SNTG1: variants seen among roughly 807,000 people sequenced by gnomAD.
SNTG1 encodes the protein syntrophin gamma 1.
SNTG1 carries 39 observed loss-of-function variants against 74.7 expected under a neutral mutation model. That is an observed-to-expected ratio of 0.52 (90% CI 0.40 to 0.68). The LOEUF (loss-of-function observed/expected upper bound fraction) is 0.68, where lower values mean the gene tolerates loss of function less well. Ranked by LOEUF, SNTG1 falls within the 30% of genes least tolerant of loss-of-function variation. The pLI is 0.00. For synonymous variants in SNTG1, 254 were observed against 217.1 expected, an observed-to-expected ratio of 1.17 and a Z score of -1.49; for missense variants, 685 against 609.5, an observed-to-expected ratio of 1.12 and a Z score of -1.30.
chr8:50,013,300 C>T (rs1815990510), intron 1 of SNTG1, among the ~76,000 whole-genome samples: 1 of 151,938 alleles, frequency 6.6e-6, no homozygotes, highest in African/African-American at 2.4e-5. Flanking sequence ...AAAATAGCAA[C>T]TGGCAAAATA....
chr8:50,268,329 G>C (rs987216769), intron 2 of SNTG1, among the ~76,000 whole-genome samples: 1 of 152,076 alleles, frequency 6.6e-6, no homozygotes, highest in Non-Finnish European at 1.5e-5. Context: ...CACAGTAAAG[G>C]TGCCAATTCA....
chr8:50,461,329 CT>C (rs1443179434), intron 8 of SNTG1, among the ~76,000 whole-genome samples: 1 of 151,962 alleles, frequency 6.6e-6, no homozygotes, highest in African/African-American at 2.4e-5. Flanking sequence ...CCTTGATTAC[CT>C]GTCTGAGATA....
At chr8:49,988,264 G>A (rs1049035742) in intron 1 of SNTG1, among the ~76,000 whole-genome samples, 2 of 152,040 alleles carry the variant, frequency 1.3e-5, no homozygotes, top group African/African-American at 4.8e-5. Flanking sequence ...AAAAAATTAG[G>A]ACACAAAAAC....
intron 1 of SNTG1, among the ~76,000 whole-genome samples, chr8:50,024,371 C>A (rs542546744): frequency 6.6e-6 from 1 of 152,108 alleles, no homozygotes; most frequent in South Asian, 2.1e-4. Context: ...CAGAGCAAGA[C>A]GGCATTAGTC....
chr8:50,513,851 C>T (rs907839052), intron 9 of SNTG1, among the ~76,000 whole-genome samples: 1 of 152,324 alleles, frequency 6.6e-6, no homozygotes, highest in East Asian at 1.9e-4. Context: ...TTCCCTGACC[C>T]CTTGCACTTC....
chr8:49,938,587 C>CT (rs756104336), intron 1 of SNTG1, among the ~76,000 whole-genome samples: 5 of 42,054 alleles, frequency 1.2e-4, no homozygotes, highest in African/African-American at 4.1e-4. Flanking sequence ...CTTTTCTTTT[C>CT]TTTTCTTTTC....
At chr8:50,334,687 G>A (rs2091082898) in intron 2 of SNTG1, among the ~76,000 whole-genome samples, 1 of 152,174 alleles carries the variant, frequency 6.6e-6, no homozygotes, top group South Asian at 2.1e-4. Context: ...TGCTATCTGG[G>A]CAAATTACTC....
chr8:50,727,333 AT>A (rs2095502561), intron 17 of SNTG1, among the ~76,000 whole-genome samples: 1 of 152,178 alleles, frequency 6.6e-6, no homozygotes, highest in Admixed American at 6.5e-5. Context: ...AAATATATCA[AT>A]TTTAATCTCT....
rs1369889163 is a variant in SNTG1, at chr8:50,381,050, A to G, written c.-27-13162A>G. The G allele has an allele frequency of 5.3e-5, 8 of 152,178 alleles. No individual in the cohort carries two copies. In the East Asian group the frequency reaches 1.5e-3, roughly 29 times the overall value. 9.4% of individuals were successfully genotyped at this position (152,178 alleles called of 1,614,324 possible). A position where few individuals can be genotyped will look rare whatever the true frequency, so the allele number is the denominator to read the frequency against. On this transcript the variant is annotated intron_variant, in intron 2 of 18. Coordinates refer to ENST00000642720, the MANE Select transcript of SNTG1 (RefSeq NM_018967.5). ...TTTGTGGCTTATCACTGAGCTGTCC[A>G]TGGAGATTCTACATGGATCAAAGAT...
chr8:50,562,702 TTAATG>T (rs1191639446), intron 12 of SNTG1, among the ~76,000 whole-genome samples: 1 of 152,344 alleles, frequency 6.6e-6, no homozygotes, highest in East Asian at 1.9e-4. Flanking sequence ...ATGTTTTCAC[TTAATG>T]TAAAGTTCAC....
At chr8:50,012,439 T>C (rs551717652) in intron 1 of SNTG1, among the ~76,000 whole-genome samples, 1 of 152,350 alleles carries the variant, frequency 6.6e-6, no homozygotes, top group South Asian at 2.1e-4. Context: ...GTCTTCATAA[T>C]ACTAATCACT....
At chr8:50,110,448 G>A (rs2080540910) in intron 1 of SNTG1, among the ~76,000 whole-genome samples, 1 of 152,134 alleles carries the variant, frequency 6.6e-6, no homozygotes, top group Admixed American at 6.6e-5. Context: ...TCCTTGGTGA[G>A]CAACACTTGT....
At chr8:50,486,774 A>G (rs1156972244) in intron 8 of SNTG1, among the ~76,000 whole-genome samples, 4 of 151,338 alleles carry the variant, frequency 2.6e-5, no homozygotes, top group Non-Finnish European at 4.4e-5. Context: ...TCAGTATGAT[A>G]TTGGCTGTGG....
At chr8:50,004,549 C>T (rs189121521) in intron 1 of SNTG1, among the ~76,000 whole-genome samples, 2 of 152,240 alleles carry the variant, frequency 1.3e-5, no homozygotes, top group East Asian at 1.9e-4. Flanking sequence ...CGTCCTTTGC[C>T]ATTTTACTTT....
chr8:50,561,583 T>A (rs1372250119), intron 12 of SNTG1, among the ~76,000 whole-genome samples: 1 of 152,114 alleles, frequency 6.6e-6, no homozygotes, highest in Non-Finnish European at 1.5e-5. Context: ...AATGCAAACA[T>A]CATGTCACAT....
intron 2 of SNTG1, among the ~76,000 whole-genome samples, chr8:50,389,447 G>A (rs777826039): frequency 1.7e-4 from 26 of 152,126 alleles, no homozygotes; most frequent in South Asian, 6.2e-4. Flanking sequence ...CAGCCAACAG[G>A]CCCTGGTGTG....
chr8:49,921,893 A>G (rs1806578347), intron 1 of SNTG1, among the ~76,000 whole-genome samples: 2 of 152,132 alleles, frequency 1.3e-5, no homozygotes, highest in Non-Finnish European at 2.9e-5. Flanking sequence ...TGAGTTCTCC[A>G]CTTGGAACAT....
chr8:50,394,139 C>A, intron 2 of SNTG1, 73 bp from the exon 3 acceptor site: 1 of 1,191,502 alleles, frequency 8.4e-7, no homozygotes, highest in Non-Finnish European at 1.2e-6. Context: ...TTCACGATTT[C>A]CTCCACTATA....
chr8:50,458,169 T>C (rs867892438), intron 8 of SNTG1: 1 of 143,294 alleles, frequency 7.0e-6, no homozygotes, highest in South Asian at 2.3e-4. Context: ...TTGAAGAAAA[T>C]CAACCACATC....
Sources: gnomAD v4.1 joint callset for allele counts (sites outside exome capture counted in the v4.1 genomes callset) on GRCh38, gnomAD v4.1.1 for gene constraint, MANE v1.5 for transcripts, NCBI Gene and HGNC (gene_info 2026-07-23, HGNC 2026-07-21) for gene names.